SESTD1: variants seen among roughly 807,000 people sequenced by gnomAD.
The protein encoded by SESTD1 is SEC14 domain and spectrin repeat-containing protein 1.
In SESTD1, 43 loss-of-function variants were observed where a neutral mutation model predicts 101.7. The ratio of observed to expected loss-of-function variants is 0.42; its 90% CI spans 0.33 to 0.55. The LOEUF (loss-of-function observed/expected upper bound fraction) is 0.55. Among genes scored for constraint, SESTD1 ranks in the 20% least tolerant of loss-of-function variants. SESTD1 has a pLI of 0.07. For synonymous variants in SESTD1, 283 were observed against 286.8 expected (o/e 0.99, Z 0.13); for missense variants, 647 against 815.1 (o/e 0.79, Z 2.51).
At chr2:179,199,842 G>A (rs945837536) in intron 1 of SESTD1, among the ~76,000 whole-genome samples, 8 of 152,070 alleles carry the variant, frequency 5.3e-5, no homozygotes, top group African/African-American at 7.2e-5. Flanking sequence ...AAAACTGGAA[G>A]CATTCCCTTT....
At chr2:179,247,763 T>A (rs1167431385) in intron 1 of SESTD1, among the ~76,000 whole-genome samples, 2 of 152,054 alleles carry the variant, frequency 1.3e-5, no homozygotes, top group African/African-American at 4.8e-5. Context: ...TCTGACAATA[T>A]TATTTAGGAT....
chr2:179,245,570 T>C (rs1488491011), intron 1 of SESTD1, among the ~76,000 whole-genome samples: 1 of 140,684 alleles, frequency 7.1e-6, no homozygotes, highest in African/African-American at 2.7e-5. Flanking sequence ...CACACACCTA[T>C]GGTCCTAGCT....
chr2:179,173,204 A>C (rs1208065097), intron 4 of SESTD1, among the ~76,000 whole-genome samples: 2 of 152,048 alleles, frequency 1.3e-5, no homozygotes, highest in Non-Finnish European at 2.9e-5. Flanking sequence ...AGTTTATTTA[A>C]GATTCTATTC....
At chr2:179,191,917 G>T in intron 1 of SESTD1, 51 bp from the exon 2 acceptor site, 1 of 1,190,056 alleles carries the variant, frequency 8.4e-7, no homozygotes, top group Non-Finnish European at 1.2e-6. Flanking sequence ...ATTATTCCAC[G>T]AAATATATCC....
At chr2:179,170,357 T>TA (rs1410191676) in intron 5 of SESTD1, among the ~76,000 whole-genome samples, 2 of 152,066 alleles carry the variant, frequency 1.3e-5, no homozygotes, top group Non-Finnish European at 2.9e-5. Flanking sequence ...ACAAAATACA[T>TA]AAAAAACTCT....
intron 1 of SESTD1, among the ~76,000 whole-genome samples, chr2:179,226,123 A>G (rs2046882147): frequency 6.6e-6 from 1 of 152,216 alleles, no homozygotes; most frequent in Non-Finnish European, 1.5e-5. Flanking sequence ...AGAGGGAGCT[A>G]TAATTCTTAA....
At position 179,172,112 on chromosome 2, in the gene SESTD1, A is replaced by T. The variant is rs181305546; in HGVS notation, c.369+8T>A. The T allele has an allele frequency of 7.2e-5, 110 of 1,525,368 alleles. No individual in the cohort carries two copies. In the African/African-American group the frequency reaches 8.8e-4, roughly 12 times the overall value. 94.5% of individuals were successfully genotyped at this position (1,525,368 alleles called of 1,614,324 possible). A position where few individuals can be genotyped will look rare whatever the true frequency, so the allele number is the denominator to read the frequency against. ...ATAATGGACTTTAAAAAAAGAGATT[A>T]CATTTACCTCAAAGCCAAGTCTATC... On this transcript the variant is annotated splice_region_variant and intron_variant, in intron 5 of 17. Coordinates refer to ENST00000428443, the MANE Select transcript of SESTD1 (RefSeq NM_178123.5).
chr2:179,213,007 G>T (rs1445307153), intron 1 of SESTD1, among the ~76,000 whole-genome samples: 1 of 134,998 alleles, frequency 7.4e-6, no homozygotes, highest in African/African-American at 2.9e-5. Flanking sequence ...CAACATCAAA[G>T]ACCAAAGGTA....
chr2:179,131,699 A>G (rs948957171), intron 10 of SESTD1, among the ~76,000 whole-genome samples: 9 of 152,204 alleles, frequency 5.9e-5, no homozygotes, highest in African/African-American at 2.2e-4. Flanking sequence ...CTTCTTTCAC[A>G]TAACAAGTTG....
At chr2:179,237,837 C>A (rs1399139133) in intron 1 of SESTD1, among the ~76,000 whole-genome samples, 1 of 152,056 alleles carries the variant, frequency 6.6e-6, no homozygotes, top group Non-Finnish European at 1.5e-5. Context: ...GCCAGAATAA[C>A]AGAGATCCAG....
At chr2:179,188,368 GTT>G (rs565095562) in intron 2 of SESTD1, among the ~76,000 whole-genome samples, 5 of 152,164 alleles carry the variant, frequency 3.3e-5, no homozygotes, top group Non-Finnish European at 7.4e-5. Flanking sequence ...TCAAAAAATT[GTT>G]TTGAGATAAA....
At chr2:179,116,432 T>A in intron 15 of SESTD1, 1 of 564,288 alleles carries the variant, frequency 1.8e-6, no homozygotes, top group Non-Finnish European at 3.1e-6. Flanking sequence ...AAAAATGCCG[T>A]AATACATAGC....
chr2:179,174,544 C>T, intron 4 of SESTD1: 2 of 415,586 alleles, frequency 4.8e-6, no homozygotes. Context: ...ATTTTAACAA[C>T]TTTCACAGAG....
intron 5 of SESTD1, among the ~76,000 whole-genome samples, chr2:179,155,847 G>A (rs901912561): frequency 6.6e-6 from 1 of 152,106 alleles, no homozygotes; most frequent in African/African-American, 2.4e-5. Flanking sequence ...CACCCGAGCA[G>A]TATACACTGC....
intron 5 of SESTD1, among the ~76,000 whole-genome samples, chr2:179,164,187 T>C (rs181200671): frequency 9.9e-5 from 15 of 152,236 alleles, no homozygotes; most frequent in East Asian, 1.9e-4. Context: ...TCAAGGAAAA[T>C]AGGTTTCTAT....
chr2:179,124,498 C>T lies in SESTD1; in HGVS notation c.1033G>A (p.Asp345Asn), dbSNP rs990133596. 23 of 1,613,970 alleles carry T rather than the reference C, an allele frequency of 1.4e-5. No homozygotes were observed. Among genetic ancestry groups the T allele is most frequent in the East Asian group, 2.2e-5 (1 of 44,870 alleles). Residue 345 changes from aspartate (D) to asparagine (N), a missense_variant, in exon 11 of 18, where the codon GAT (aspartate) becomes AAT (asparagine). By Grantham distance (23) the Asp-to-Asn change is conservative (BLOSUM62 1). Around this residue, in one of 3 missense-constraint regions of SESTD1, gnomAD observed 476 missense variants for 562.6 expected, o/e 0.85. Transcript: ENST00000428443. ...QQIAALLNAGDEEDLVELKSL... is the reference protein window; with the variant it reads ...QQIAALLNAGNEEDLVELKSL... ...TTTAGTTCCACAAGATCTTCCTCAT[C>T]GCCAGCATTCAAGAGTGCTGCAATT...
intron 3 of SESTD1, among the ~76,000 whole-genome samples, chr2:179,177,798 T>C (rs2046036722): frequency 6.6e-6 from 1 of 152,110 alleles, no homozygotes; most frequent in Non-Finnish European, 1.5e-5. Flanking sequence ...ACAATCCAAA[T>C]GTCCACCAAC....
At chr2:179,179,933 C>T (rs1479684938) in intron 3 of SESTD1, among the ~76,000 whole-genome samples, 1 of 152,196 alleles carries the variant, frequency 6.6e-6, no homozygotes, top group East Asian at 1.9e-4. Context: ...TTCCTGCTCA[C>T]TCTGTCTTCA....
intron 4 of SESTD1, among the ~76,000 whole-genome samples, chr2:179,172,975 G>A (rs191317466): frequency 5.3e-5 from 8 of 152,244 alleles, no homozygotes; most frequent in African/African-American, 1.7e-4. Flanking sequence ...CTTGCACTCT[G>A]AATGAAATTC....
Sources: gnomAD v4.1 joint callset for allele counts (sites outside exome capture counted in the v4.1 genomes callset) on GRCh38, gnomAD v4.1.1 for gene constraint, gnomAD v4.1.1 regional missense constraint, MANE v1.5 for transcripts, NCBI Gene and HGNC (gene_info 2026-07-23, HGNC 2026-07-21) for gene names.